The following MED13 variants were observed in gnomAD, a reference collection of about 807,000 sequenced individuals.
MED13 encodes the protein mediator of RNA polymerase II transcription subunit 13.
A neutral mutation model predicts 225.2 loss-of-function variants in MED13; 23 were observed. That is an observed-to-expected ratio of 0.10 (90% CI 0.07 to 0.14). The LOEUF (loss-of-function observed/expected upper bound fraction) is 0.14. Among genes scored for constraint, MED13 ranks in the 10% least tolerant of loss-of-function variants. The pLI is 1.00. For synonymous variants in MED13, 942 were observed against 889.2 expected (o/e 1.06, Z -1.06); for missense variants, 2,197 against 2,594.5 (o/e 0.85, Z 3.33).
intron 8 of MED13, chr17:62,029,303 T>C (rs1162103975): frequency 1.9e-6 from 1 of 520,536 alleles, no homozygotes; most frequent in Admixed American, 3.5e-5. Flanking sequence ...TTTATTTAGC[T>C]ACTAGGAAAC....
chr17:61,946,272 T>TA lies in MED13; in HGVS notation c.*195dup. ...CGTTTTGTATGATCAGTCATCATCC[T>TA]AAAGAGTTCAATAGAGTCAATGAAA... On this transcript the variant is annotated 3_prime_UTR_variant, in exon 30 of 30. Transcript: ENST00000397786. 1.7e-6 allele frequency: 1 copy of TA among 583,148 alleles called. No homozygotes were observed. The highest frequency in any genetic ancestry group is 2.9e-6 in the Non-Finnish European group (1 of 344,170). 36.1% of individuals were successfully genotyped at this position (583,148 alleles called of 1,614,324 possible).
At chr17:62,001,499 TCAATACTTG>T (rs2143544730) in intron 9 of MED13, among the ~76,000 whole-genome samples, 1 of 152,340 alleles carries the variant, frequency 6.6e-6, no homozygotes, top group East Asian at 1.9e-4. Flanking sequence ...TTTATCTCAC[TCAATACTTG>T]CAATAGTCCC....
rs372544255 is a variant in MED13, at chr17:61,965,363, G to T, written c.4487C>A (p.Thr1496Asn). The T allele has an allele frequency of 6.2e-7, 1 of 1,614,212 alleles. No individual in the cohort carries two copies. Among genetic ancestry groups the T allele is most frequent in the South Asian group, 1.1e-5 (1 of 91,088 alleles). Residue 1496 changes from threonine (T) to asparagine (N), a missense_variant, in exon 20 of 30, where the codon ACT becomes AAT. Physicochemically the swap from Thr to Asn is moderately conservative, Grantham distance 65 (BLOSUM62 0). This residue lies in a region of MED13 where 457 missense variants were observed against 442.2 expected (regional missense o/e 1.03). Coordinates refer to ENST00000397786, the MANE Select transcript of MED13 (RefSeq NM_005121.3). Reference sequence around the variant, plus strand: ...GGCAGATGGAGTATTAGCATTTCCAGTATTTGTCATCTGAGGTGGAGTAAT... The same window carrying T: ...GGCAGATGGAGTATTAGCATTTCCATTATTTGTCATCTGAGGTGGAGTAAT... The part of the protein sequence containing the change: ...SLITPPQMTN[T>N]GNANTPSATL...
At chr17:62,026,421 C>G (rs929419860) in intron 8 of MED13, among the ~76,000 whole-genome samples, 1 of 150,658 alleles carries the variant, frequency 6.6e-6, no homozygotes, top group African/African-American at 2.4e-5. Context: ...TCACCTACAG[C>G]TGCCCAAAGA....
chr17:61,984,876 T>G lies in MED13; in HGVS notation c.2477-11A>C, dbSNP rs753992686. On this transcript the variant is annotated splice_polypyrimidine_tract_variant and intron_variant, in intron 13 of 29. Transcript: ENST00000397786. The stretch of plus-strand genomic sequence containing the variant: ...GAAGATCTGCAGTGCCTATATTTAA[T>G]AAAAACATACATTTTAACATGACTA... The G allele has an allele frequency of 2.1e-5, 34 of 1,600,156 alleles. No homozygotes were observed. The highest frequency in any genetic ancestry group is 2.9e-5 in the Non-Finnish European group (34 of 1,171,806).
intron 9 of MED13, among the ~76,000 whole-genome samples, chr17:61,998,659 G>A (rs545725051): frequency 4.7e-5 from 7 of 147,704 alleles, no homozygotes; most frequent in Non-Finnish European, 1.0e-4. Context: ...GAATGCAGTG[G>A]TGCGGTCTCA....
rs199861713 is a variant in MED13 at position 62,016,174 on chromosome 17, AC to A, written c.1284-4942del. On this transcript the variant is annotated intron_variant, in intron 8 of 29. Coordinates refer to ENST00000397786, the MANE Select transcript of MED13 (RefSeq NM_005121.3). ...TCAAAAACACAAAAAACCAAGAACAACAACAAAAAAAAAAACCCAGCAGGTC... is the reference window on the plus strand; with the variant it reads ...TCAAAAACACAAAAAACCAAGAACAAAACAAAAAAAAAAACCCAGCAGGTC... 5.8e-3 allele frequency among the ~76,000 whole-genome samples: 820 copies of A among 142,376 alleles called. 23 individuals are homozygous for A. Among genetic ancestry groups the A allele is most frequent in the African/African-American group, 0.018 (671 of 36,534 alleles). The allele number at this position is 142,376 out of a possible 152,430, so 93.4% of individuals were successfully genotyped here. A position where few individuals can be genotyped will look rare whatever the true frequency, so the allele number is the denominator to read the frequency against.
At chr17:62,031,371 A>C in intron 6 of MED13, 73 bp downstream of exon 6, 1 of 1,233,708 alleles carries the variant, frequency 8.1e-7, no homozygotes, top group Non-Finnish European at 1.1e-6. Flanking sequence ...TTTCAAAATA[A>C]ATTATTTCTT....
At position 61,982,442 on chromosome 17, in the gene MED13, A is replaced by G; in HGVS notation, c.3561T>C (p.Asp1187=). Residue 1187 remains aspartate, a synonymous_variant, in exon 16 of 30, where the codon GAT becomes GAC. Coordinates refer to ENST00000397786, the MANE Select transcript of MED13 (RefSeq NM_005121.3). ...ACTGATCTTGTAGCAATAATATCAA[A>G]TCATCAGATAATTTTTCAGATTCCT... The part of the protein sequence containing the change: ...GLKESEKLSD[D]LILLLQDQCT... The G allele has an allele frequency of 6.2e-7, 1 of 1,614,230 alleles. No homozygotes were observed. Among genetic ancestry groups the G allele is most frequent in the African/African-American group, 1.3e-5 (1 of 75,064 alleles).
At chr17:62,016,549 T>C (rs1011974290) in intron 8 of MED13, among the ~76,000 whole-genome samples, 2 of 152,238 alleles carry the variant, frequency 1.3e-5, no homozygotes, top group South Asian at 4.1e-4. Context: ...AAGTTACATG[T>C]AGCTATTAGA....
chr17:62,039,920 C>T (rs2080839273), intron 3 of MED13, among the ~76,000 whole-genome samples: 1 of 151,676 alleles, frequency 6.6e-6, no homozygotes, highest in Non-Finnish European at 1.5e-5. Context: ...TAAGAGATGG[C>T]AGTCTCCCTA....
At chr17:61,974,821 T>C (rs1411107893) in intron 16 of MED13, among the ~76,000 whole-genome samples, 1 of 152,070 alleles carries the variant, frequency 6.6e-6, no homozygotes, top group Non-Finnish European at 1.5e-5. Flanking sequence ...AACTACAAAG[T>C]TATTTCAAAA....
At chr17:62,007,506 A>G (rs1286340791) in intron 9 of MED13, 1 of 152,196 alleles carries the variant, frequency 6.6e-6, no homozygotes, top group Admixed American at 6.5e-5. Context: ...AGATGGTATT[A>G]CCTAAGAAAT....
intron 11 of MED13, among the ~76,000 whole-genome samples, chr17:61,991,699 G>A (rs2080300642): frequency 6.6e-6 from 1 of 151,876 alleles, no homozygotes; most frequent in African/African-American, 2.4e-5. Flanking sequence ...TAGTAGAGAC[G>A]GGGTTTCACC....
In MED13 at chr17:61,961,579, T is replaced by C. The variant is rs2080000787; in HGVS notation, c.5256+9A>G. On this transcript the variant is annotated intron_variant, in intron 22 of 29. Transcript: ENST00000397786. ...CATTGAACTTCGGTCATGAAAAACA[T>C]ATACTTACATCAGGACTTCTAAGGG... 2 of 1,477,678 alleles carry C rather than the reference T, an allele frequency of 1.4e-6. No homozygotes were observed. The highest frequency in any genetic ancestry group is 2.4e-5 in the East Asian group (1 of 41,934). The allele number at this position is 1,477,678 out of a possible 1,614,324, so 91.5% of individuals were successfully genotyped here. A position where few individuals can be genotyped will look rare whatever the true frequency, so the allele number is the denominator to read the frequency against.
chr17:62,009,964 G>A (rs1056161787), intron 9 of MED13, among the ~76,000 whole-genome samples: 3 of 152,150 alleles, frequency 2.0e-5, no homozygotes, highest in Non-Finnish European at 1.5e-5. Flanking sequence ...GCTCATGCCT[G>A]TAATCCCAAC....
intron 8 of MED13, among the ~76,000 whole-genome samples, chr17:62,025,919 G>A (rs2080696996): frequency 6.6e-6 from 1 of 152,184 alleles, no homozygotes; most frequent in Non-Finnish European, 1.5e-5. Flanking sequence ...AATCCAAAGA[G>A]CCTCCATAAG....
intron 2 of MED13, 32 bp from the exon 3 acceptor site, chr17:62,052,737 G>A (rs770530995): frequency 6.6e-7 from 1 of 1,507,568 alleles, no homozygotes; most frequent in East Asian, 2.3e-5. Flanking sequence ...TAATAAAATA[G>A]TGACACTATA....
At chr17:61,988,985 C>A (rs1451242084) in intron 11 of MED13, among the ~76,000 whole-genome samples, 1 of 151,860 alleles carries the variant, frequency 6.6e-6, no homozygotes, top group Admixed American at 6.6e-5. Context: ...TGGTAATCAC[C>A]ACTTTACTTT....
Sources: gnomAD v4.1 joint callset for allele counts (sites outside exome capture counted in the v4.1 genomes callset) on GRCh38, gnomAD v4.1.1 for gene constraint, gnomAD v4.1.1 regional missense constraint, MANE v1.5 for transcripts, NCBI Gene and HGNC (gene_info 2026-07-23, HGNC 2026-07-21) for gene names.